ZNF729: variants seen among roughly 807,000 people sequenced by gnomAD.
The protein encoded by ZNF729 is zinc finger protein 729.
In ZNF729, 15 loss-of-function variants were observed where a neutral mutation model predicts 12.2. The observed-to-expected ratio is 1.23, with a 90% CI of 0.82 to 1.89. ZNF729 has a LOEUF of 1.89. Among genes scored for constraint, ZNF729 ranks in the 40% most tolerant of loss-of-function variants. ZNF729 has a pLI of 0.00. For synonymous variants in ZNF729, 492 were observed against 476.3 expected, an observed-to-expected ratio of 1.03 and a Z score of -0.43; for missense variants, 1,540 against 1,456.7, an observed-to-expected ratio of 1.06 and a Z score of -0.93.
Position 22,316,902 on chromosome 19 carries a change from G to A in ZNF729, c.3485G>A (p.Cys1162Tyr), listed in dbSNP as rs1968554770. ...IIHSVEKPYK[C>Y]EECGKAFNQS... ...CATTCTGTAGAGAAACCCTACAAATGTGAAGAATGTGGCAAAGCCTTTAAC... is the reference window on the plus strand; with the variant it reads ...CATTCTGTAGAGAAACCCTACAAATATGAAGAATGTGGCAAAGCCTTTAAC... Residue 1162 changes from cysteine (C) to tyrosine (Y), a missense_variant, in exon 4 of 4, where the codon TGT becomes TAT. By Grantham distance (194) the Cys-to-Tyr change is radical (BLOSUM62 -2). Transcript: ENST00000601693. 1.2e-6 allele frequency: 2 copies of A among 1,612,996 alleles called. No homozygotes were observed. The highest frequency in any genetic ancestry group is 8.5e-7 in the Non-Finnish European group (1 of 1,179,936).
intron 3 of ZNF729, 108 bp from the exon 4 acceptor site, chr19:22,313,563 T>C: frequency 1.0e-6 from 1 of 995,858 alleles, no homozygotes; most frequent in South Asian, 2.7e-5. Flanking sequence ...CCTGTCTTAT[T>C]TTGCTGTGCC....
At chr19:22,302,291 C>A (rs1418675450) in intron 1 of ZNF729, among the ~76,000 whole-genome samples, 1 of 152,310 alleles carries the variant, frequency 6.6e-6, no homozygotes, top group South Asian at 2.1e-4. Flanking sequence ...ATGGTCCCTA[C>A]CACCCAGGAA....
chr19:22,299,123 T>C (rs1968270871), intron 1 of ZNF729: 1 of 152,270 alleles, frequency 6.6e-6, no homozygotes, highest in African/African-American at 2.4e-5. Context: ...ATGCTCATGT[T>C]TCTCATGCTG....
chr19:22,311,004 G>A (rs1968443534), intron 3 of ZNF729, among the ~76,000 whole-genome samples: 1 of 152,036 alleles, frequency 6.6e-6, no homozygotes, highest in Non-Finnish European at 1.5e-5. Flanking sequence ...AGCCTTCAAT[G>A]ATCTTTTGTA....
chr19:22,289,810 T>C (rs755067725), intron 1 of ZNF729, among the ~76,000 whole-genome samples: 3 of 152,200 alleles, frequency 2.0e-5, no homozygotes, highest in Non-Finnish European at 4.4e-5. Context: ...TCCTGTTATA[T>C]TGCTGTCTGA....
rs1599759545 is a variant in ZNF729, at chr19:22,315,043, A to G, written c.1626A>G (p.Lys542=). 3 of 1,611,600 alleles carry G rather than the reference A, an allele frequency of 1.9e-6. No homozygotes were observed. The highest frequency in any genetic ancestry group is 2.5e-6 in the Non-Finnish European group (3 of 1,179,762). Residue 542 remains lysine (K), a synonymous_variant, in exon 4 of 4, where the codon AAA becomes AAG. Transcript: ENST00000601693. ...ATCAGATAATTCATACTGGAGAGAA[A>G]CCCTACAAATGTGAAGAATGTGGTA... ...RNHQIIHTGE[K]PYKCEECGKA...
chr19:22,309,612 A>G (rs1403750498), intron 3 of ZNF729, among the ~76,000 whole-genome samples: 1 of 151,338 alleles, frequency 6.6e-6, no homozygotes, highest in Non-Finnish European at 1.5e-5. Context: ...GACTGGCTTT[A>G]TAGTATAGTT....
At position 22,315,746 on chromosome 19, in the gene ZNF729, T is replaced by C. The variant is rs547521731; in HGVS notation, c.2329T>C (p.Phe777Leu). Reference sequence around the variant, plus strand: ...CAAATGTGAAGAATGTGTCAAAGCTTTTAACAGTTTCTCAGCCCTTATGAA... The same window carrying C: ...CAAATGTGAAGAATGTGTCAAAGCTCTTAACAGTTTCTCAGCCCTTATGAA... Reference protein sequence around the residue: ...LYKCEECVKAFNSFSALMKHK... With the variant: ...LYKCEECVKALNSFSALMKHK... Residue 777 changes from phenylalanine to leucine, a missense_variant, in exon 4 of 4, where the codon TTT becomes CTT. Coordinates refer to ENST00000601693, the MANE Select transcript of ZNF729 (RefSeq NM_001242680.2). The C allele has an allele frequency of 8.8e-4, 1,414 of 1,607,876 alleles. No homozygotes were observed. The highest frequency in any genetic ancestry group is 1.4e-3 in the Admixed American group (82 of 59,658).
At position 22,314,561 on chromosome 19, in the gene ZNF729, G is replaced by A; in HGVS notation, c.1144G>A (p.Gly382Ser). Residue 382 changes from glycine (G) to serine (S), a missense_variant, in exon 4 of 4, where the codon GGT (glycine) becomes AGT (serine). Transcript: ENST00000601693. The part of the protein sequence containing the change: ...GEKPYKCEEC[G>S]KAFKWSSKLT... ...GAAACCCTACAAATGTGAAGAATGT[G>A]GTAAAGCTTTTAAGTGGTCTTCAAA... is the stretch of plus-strand genomic sequence containing the variant. The A allele has an allele frequency of 1.2e-6, 2 of 1,611,388 alleles. No homozygotes were observed. Among genetic ancestry groups the A allele is most frequent in the Non-Finnish European group, 1.7e-6 (2 of 1,179,776 alleles).
At chr19:22,298,153 G>C (rs973737109) in intron 1 of ZNF729, among the ~76,000 whole-genome samples, 2 of 152,000 alleles carry the variant, frequency 1.3e-5, no homozygotes, top group African/African-American at 2.4e-5. Flanking sequence ...GTTACGTGTA[G>C]TGTTTGTAGA....
In ZNF729 at chr19:22,304,756, A is replaced by G. The variant is rs781375347; in HGVS notation, c.226A>G (p.Arg76Gly). ...AGGGAAAGAGCCTTGGAATATGAAG[A>G]GACATGAGATGGTAACTAAACCCCC... ...KQGKEPWNMK[R>G]HEMVTKPPVM... Residue 76 changes from arginine (R) to glycine (G), a missense_variant, in exon 3 of 4, where the codon AGA becomes GGA. Transcript: ENST00000601693. 2.5e-5 allele frequency: 40 copies of G among 1,613,320 alleles called. No homozygotes were observed. The South Asian group carries it at 4.4e-4, about 18-fold the overall frequency.
chr19:22,291,035 G>C (rs1401030317), intron 1 of ZNF729, among the ~76,000 whole-genome samples: 2 of 152,170 alleles, frequency 1.3e-5, no homozygotes, highest in South Asian at 2.1e-4. Context: ...GGCATCTGCA[G>C]TAAGAACAAT....
rs1194543440 is a variant in ZNF729 at position 22,313,694 on chromosome 19, G to A, written c.277G>A (p.Asp93Asn). 6.6e-7 allele frequency: 1 copy of A among 1,506,662 alleles called. No homozygotes were observed. Among genetic ancestry groups the A allele is most frequent in the Admixed American group, 2.6e-5 (1 of 37,758 alleles). The allele number at this position is 1,506,662 out of a possible 1,614,324, so 93.3% of individuals were successfully genotyped here. Residue 93 changes from aspartate to asparagine, a missense_variant, in exon 4 of 4, where the codon GAC becomes AAC. Transcript: ENST00000601693. Reference sequence around the variant, plus strand: ...AGTTATGCGTTCTCATTTTACACAAGACCTTTGGCCAGATCAGAGCACAAA... The same window carrying A: ...AGTTATGCGTTCTCATTTTACACAAAACCTTTGGCCAGATCAGAGCACAAA... ...PPVMRSHFTQ[D>N]LWPDQSTKDS...
At chr19:22,307,082 G>A (rs1968387273) in intron 3 of ZNF729, among the ~76,000 whole-genome samples, 1 of 151,580 alleles carries the variant, frequency 6.6e-6, no homozygotes, top group South Asian at 2.1e-4. Flanking sequence ...ATATGTGTCT[G>A]TATAATTATA....
chr19:22,312,440 T>TTGTGTGTGTGTGTGTGTGTGTGTG (rs138264785), intron 3 of ZNF729, among the ~76,000 whole-genome samples: 49 of 144,668 alleles, frequency 3.4e-4, no homozygotes, highest in Admixed American at 3.2e-3. Flanking sequence ...TTGTCTGAAA[T>TTGTGTGTGTGTGTGTGTGTGTGTG]TGTGTGTGTG....
In ZNF729 at chr19:22,316,492, T is replaced by A; in HGVS notation, c.3075T>A (p.Cys1025Ter). The change falls in exon 4 of 4, where the codon TGT becomes TGA. Residue 1025 changes from cysteine to a stop codon, truncating the protein, a stop_gained. Transcript: ENST00000601693. LOFTEE classifies it low-confidence loss of function (END_TRUNC). ...AGAAATTGTACAAATGTGAAGAATG[T>A]GTCAAAGCTTTTAACAATTTCTCAG... ...TREKLYKCEE[C>*]VKAFNNFSAL... 6.2e-7 allele frequency: 1 copy of A among 1,613,722 alleles called. No individual in the cohort carries two copies. The highest frequency in any genetic ancestry group is 8.5e-7 in the Non-Finnish European group (1 of 1,179,788).
intron 1 of ZNF729, among the ~76,000 whole-genome samples, chr19:22,294,128 CTT>C (rs1968192132): frequency 6.6e-6 from 1 of 152,124 alleles, no homozygotes. Context: ...TTTAATTCAT[CTT>C]GAGTTGATTT....
rs374164656 is a variant in ZNF729 at position 22,315,234 on chromosome 19, G to A, written c.1817G>A (p.Gly606Asp). 2.5e-6 allele frequency: 4 copies of A among 1,612,024 alleles called. No individual in the cohort carries two copies. The South Asian group carries it at 4.4e-5, about 18-fold the overall frequency. Residue 606 changes from glycine (G) to aspartate (D), a missense_variant, in exon 4 of 4, where the codon GGC (glycine) becomes GAC (aspartate). Physicochemically the swap from Gly to Asp is moderately conservative, Grantham distance 94. Transcript: ENST00000601693. ...REKLYKCEEC[G>D]KAFNNSSILA... ...AAATTGTACAAATGTGAAGAATGTG[G>A]CAAAGCTTTTAACAATTCCTCAATC...
chr19:22,308,977 G>A lies in ZNF729; in HGVS notation c.253+4194G>A, dbSNP rs115540406. On this transcript the variant is annotated intron_variant, in intron 3 of 3. Transcript: ENST00000601693. ...TGGGTTCTTGTATATGAAATCCTTG[G>A]CTAAGCCAATGTCTGAAAGGGTTTT... Among the ~76,000 whole-genome samples, 891 of 152,218 alleles carry A rather than the reference G, an allele frequency of 5.9e-3. 4 individuals are homozygous for A. The highest frequency in any genetic ancestry group is 0.021 in the African/African-American group (855 of 41,526).
Sources: allele counts gnomAD v4.1 joint callset (sites outside exome capture counted in the v4.1 genomes callset), GRCh38; gene constraint gnomAD v4.1.1; transcripts MANE v1.5; gene names NCBI Gene and HGNC (gene_info 2026-07-23, HGNC 2026-07-21).